KAZN: variants seen among roughly 807,000 people sequenced by gnomAD.
The protein encoded by KAZN is kazrin.
Under a neutral mutation model 87.4 loss-of-function variants are expected in KAZN, and 40 were observed. The ratio of observed to expected loss-of-function variants is 0.46; its 90% CI spans 0.36 to 0.60. The LOEUF (loss-of-function observed/expected upper bound fraction) is 0.60, where lower values mean the gene tolerates loss of function less well. Among genes scored for constraint, KAZN ranks in the 20% least tolerant of loss-of-function variants. The pLI, the probability that KAZN is intolerant of heterozygous loss-of-function variation, is 0.00. For missense variants in KAZN, 898 were observed against 1,073.9 expected (o/e 0.84, Z 2.29); for synonymous variants, 466 against 458.3 (o/e 1.02, Z -0.22).
At chr1:14,873,254 A>G (rs966837527) in intron 1 of KAZN, among the ~76,000 whole-genome samples, 3 of 152,258 alleles carry the variant, frequency 2.0e-5, no homozygotes, top group Non-Finnish European at 2.9e-5. Flanking sequence ...TAGGGATAGA[A>G]TAATAACACA....
At chr1:14,791,259 C>G (rs1052140283) in intron 1 of KAZN, among the ~76,000 whole-genome samples, 4 of 152,196 alleles carry the variant, frequency 2.6e-5, no homozygotes, top group African/African-American at 9.6e-5. Flanking sequence ...AGTTTGCAGC[C>G]AGGGCATCTT....
intron 1 of KAZN, among the ~76,000 whole-genome samples, chr1:14,073,432 G>T (rs1262570038): frequency 6.6e-6 from 1 of 151,846 alleles, no homozygotes; most frequent in Non-Finnish European, 1.5e-5. Flanking sequence ...TTAAGTTCTG[G>T]GATACATGTG....
chr1:14,180,496 G>A (rs2100309844), exon 2 of KAZN: 2 of 1,550,336 alleles, frequency 1.3e-6, no homozygotes, highest in East Asian at 4.9e-5. Context: ...CCAAGTCGAA[G>A]GCACTGGAGG....
At chr1:14,685,552 G>A (rs947042565) in intron 1 of KAZN, among the ~76,000 whole-genome samples, 4 of 152,212 alleles carry the variant, frequency 2.6e-5, no homozygotes, top group East Asian at 1.9e-4. Flanking sequence ...GGCGGCATTC[G>A]GCTCAGCACC....
chr1:14,639,326 C>T lies in KAZN; in HGVS notation c.226+40103C>T, dbSNP rs74900493. On this transcript the variant is annotated intron_variant, in intron 1 of 14. Coordinates refer to ENST00000376030, the MANE Select transcript of KAZN (RefSeq NM_201628.3). The stretch of plus-strand genomic sequence containing the variant: ...CTGAGAGTCCCCAGCCCTCTCCAAG[C>T]GGGAAACGAATTGACCAGCTGTAAA... 3.4e-3 allele frequency among the ~76,000 whole-genome samples: 520 copies of T among 152,238 alleles called. 10 individuals carry two copies. Among genetic ancestry groups the T allele is most frequent in the East Asian group, 0.03 (157 of 5,180 alleles).
At chr1:14,465,976 A>G (rs1001565736) in intron 2 of KAZN, among the ~76,000 whole-genome samples, 2 of 152,184 alleles carry the variant, frequency 1.3e-5, no homozygotes, top group Non-Finnish European at 2.9e-5. Flanking sequence ...TCATTATGTT[A>G]CAATTGACTG....
chr1:14,557,731 G>A (rs1264893390), intron 2 of KAZN, among the ~76,000 whole-genome samples: 1 of 151,572 alleles, frequency 6.6e-6, no homozygotes, highest in Non-Finnish European at 1.5e-5. Context: ...TGACTAAGGA[G>A]GCTGGCAACT....
intron 1 of KAZN, among the ~76,000 whole-genome samples, chr1:14,678,512 C>T (rs776878161): frequency 2.0e-5 from 3 of 152,258 alleles, no homozygotes; most frequent in Admixed American, 6.5e-5. Flanking sequence ...GGCGGCCTAT[C>T]GTGGGACTTT....
intron 2 of KAZN, among the ~76,000 whole-genome samples, chr1:14,590,192 C>G (rs1003249111): frequency 6.6e-6 from 1 of 152,046 alleles, no homozygotes; most frequent in African/African-American, 2.4e-5. Context: ...ATAAATTACC[C>G]ATTTAGGGTA....
chr1:14,279,837 T>C (rs979031858), intron 2 of KAZN, among the ~76,000 whole-genome samples: 6 of 151,574 alleles, frequency 4.0e-5, no homozygotes, highest in African/African-American at 1.5e-4. Flanking sequence ...GAACATAAGG[T>C]GAGGGTCACA....
rs773818831 is a variant in KAZN, at chr1:15,066,602, G to A, written c.1222+849G>A. The A allele has an allele frequency of 1.0e-6, 1 of 982,528 alleles. No homozygotes were observed. Among genetic ancestry groups the A allele is most frequent in the Non-Finnish European group, 1.2e-6 (1 of 827,610 alleles). 60.9% of individuals were successfully genotyped at this position (982,528 alleles called of 1,614,324 possible). A position where few individuals can be genotyped will look rare whatever the true frequency, so the allele number is the denominator to read the frequency against. Reference sequence around the variant, plus strand: ...GAAAATTGTTTCATTTAATTTATTTGCACAAATGCTGAAAACTTATTCTAT... The same window carrying A: ...GAAAATTGTTTCATTTAATTTATTTACACAAATGCTGAAAACTTATTCTAT... On this transcript the variant is annotated intron_variant, in intron 8 of 14. Coordinates refer to ENST00000376030, the MANE Select transcript of KAZN (RefSeq NM_201628.3). This position sits in a 1 kb window ranked among gnomAD's most constrained non-coding sequence, Gnocchi z 4.3.
intron 2 of KAZN, among the ~76,000 whole-genome samples, chr1:14,976,116 A>T (rs1474087861): frequency 6.6e-6 from 1 of 150,880 alleles, no homozygotes; most frequent in Non-Finnish European, 1.5e-5. Context: ...ACAGCCGCAC[A>T]CTGCGAGCCT....
intron 1 of KAZN, among the ~76,000 whole-genome samples, chr1:14,681,793 C>T (rs1201350675): frequency 2.1e-5 from 3 of 145,560 alleles, no homozygotes; most frequent in Admixed American, 6.9e-5. Flanking sequence ...CGTTCTCCTG[C>T]CATTCTCCTG....
At chr1:14,618,668 C>T (rs1022771538) in intron 1 of KAZN, among the ~76,000 whole-genome samples, 1 of 152,234 alleles carries the variant, frequency 6.6e-6, no homozygotes, top group African/African-American at 2.4e-5. Context: ...GATATGACCA[C>T]ACTGTGGGTA....
chr1:14,180,275 C>T (rs769688481), intron 1 of KAZN, among the ~76,000 whole-genome samples: 2 of 152,106 alleles, frequency 1.3e-5, no homozygotes, highest in Non-Finnish European at 2.9e-5. Flanking sequence ...AGTTACTGAA[C>T]ATGTTTGTTA....
rs561652866 is a variant in KAZN, at chr1:14,636,118, T to C, written c.226+36895T>C. Among the ~76,000 whole-genome samples, 3 of 152,294 alleles carry C rather than the reference T, an allele frequency of 2.0e-5. No homozygotes were observed. The South Asian group carries it at 6.2e-4, about 32-fold the overall frequency. The stretch of plus-strand genomic sequence containing the variant: ...AAAAGAGTTGAAGAGAGGGTGTCAG[T>C]AGAGCCCAGGCTTGGCCACCAGAAC... On this transcript the variant is annotated intron_variant, in intron 1 of 14. Coordinates refer to ENST00000376030, the MANE Select transcript of KAZN (RefSeq NM_201628.3).
intron 1 of KAZN, among the ~76,000 whole-genome samples, chr1:14,892,547 A>G (rs1248330791): frequency 6.6e-6 from 1 of 151,948 alleles, no homozygotes; most frequent in African/African-American, 2.4e-5. Flanking sequence ...CCCACCCCAC[A>G]GGTTTTTCTA....
chr1:14,348,715 A>G (rs1000938400), intron 2 of KAZN, among the ~76,000 whole-genome samples: 1 of 152,246 alleles, frequency 6.6e-6, no homozygotes, highest in Non-Finnish European at 1.5e-5. Context: ...GTGTGTGTAC[A>G]AAGATTTCCT....
chr1:14,841,500 G>A (rs2100932787), intron 1 of KAZN, among the ~76,000 whole-genome samples: 1 of 148,270 alleles, frequency 6.7e-6, no homozygotes, highest in African/African-American at 2.5e-5. Context: ...CCTGGCCAAA[G>A]ATTTACATTT....
Sources: gnomAD v4.1 joint callset for allele counts (sites outside exome capture counted in the v4.1 genomes callset) on GRCh38, gnomAD v4.1.1 for gene constraint, Gnocchi (gnomAD v3.1) non-coding constraint, MANE v1.5 for transcripts, NCBI Gene and HGNC (gene_info 2026-07-23, HGNC 2026-07-21) for gene names.